Variants in GPC6 observed in about 807,000 individuals in gnomAD.
GPC6 encodes the protein glypican-6.
GPC6 carries 14 observed loss-of-function variants against 55.2 expected under a neutral mutation model. The ratio of observed to expected loss-of-function variants is 0.25; its 90% CI spans 0.17 to 0.40. GPC6 has a LOEUF of 0.40. GPC6 is among the 10% of genes least tolerant of loss of function. The probability of loss-of-function intolerance (pLI) is 1.00; values close to 1 mark genes in which losing one functional copy is unlikely to be tolerated. For missense variants in GPC6, 641 were observed against 708.5 expected, an observed-to-expected ratio of 0.90 and a Z score of 1.08; for synonymous variants, 278 against 259.6, an observed-to-expected ratio of 1.07 and a Z score of -0.68.
chr13:93,217,058 C>A, the GPC6 span, among the ~76,000 whole-genome samples: 1 of 152,004 alleles, frequency 6.6e-6, no homozygotes, highest in East Asian at 1.9e-4. Flanking sequence ...AAAAAAAAAT[C>A]TAGAAATCTT....
chr13:93,667,735 GTTTT>G (rs71126408), intron 2 of GPC6, among the ~76,000 whole-genome samples: 1 of 123,168 alleles, frequency 8.1e-6, no homozygotes, highest in South Asian at 2.3e-4. Flanking sequence ...GCCAGGACTT[GTTTT>G]TTTTTTTTTC....
chr13:94,145,420 T>C (rs1420307288), intron 4 of GPC6, among the ~76,000 whole-genome samples: 1 of 152,186 alleles, frequency 6.6e-6, no homozygotes, highest in Non-Finnish European at 1.5e-5. Flanking sequence ...TATTTTAGAA[T>C]AAGTAGGAAT....
intron 4 of GPC6, among the ~76,000 whole-genome samples, chr13:94,160,266 TGTA>T (rs1176921362): frequency 1.3e-5 from 2 of 152,166 alleles, no homozygotes; most frequent in African/African-American, 4.8e-5. Context: ...AAGAAAAAAA[TGTA>T]GTATACATAG....
At chr13:94,353,192 T>C (rs540968126) in intron 6 of GPC6, among the ~76,000 whole-genome samples, 98 of 152,234 alleles carry the variant, frequency 6.4e-4, no homozygotes, top group African/African-American at 2.1e-3. Flanking sequence ...AGCGCGACTT[T>C]CTTCTGCTGA....
chr13:93,720,442 A>G (rs11838508), intron 2 of GPC6, among the ~76,000 whole-genome samples: 22,165 of 151,814 alleles, frequency 0.15, 2,826 homozygotes, highest in South Asian at 0.32. Context: ...CGTTTTGTCT[A>G]TTTGATTCTT....
chr13:94,140,440 G>A (rs555679454), intron 4 of GPC6, among the ~76,000 whole-genome samples: 143 of 152,264 alleles, frequency 9.4e-4, no homozygotes, highest in African/African-American at 3.2e-3. Flanking sequence ...TAAATTGTTA[G>A]TGAAAGAAAA....
intron 1 of GPC6, among the ~76,000 whole-genome samples, chr13:93,285,626 G>A (rs890631763): frequency 7.3e-6 from 1 of 137,500 alleles, no homozygotes; most frequent in African/African-American, 2.8e-5. Context: ...CTGTGTGTGT[G>A]TGTGTGTGTG....
chr13:94,060,452 T>C (rs1884280963), intron 4 of GPC6, among the ~76,000 whole-genome samples: 1 of 152,152 alleles, frequency 6.6e-6, no homozygotes, highest in African/African-American at 2.4e-5. Flanking sequence ...TTAAAGAGAA[T>C]TCCTAAATTA....
chr13:93,762,882 A>G (rs566075177), intron 2 of GPC6, among the ~76,000 whole-genome samples: 1 of 152,282 alleles, frequency 6.6e-6, no homozygotes, highest in South Asian at 2.1e-4. Flanking sequence ...CACGTAGGTA[A>G]TTATAGTAGA....
At chr13:93,691,326 G>T (rs183044372) in intron 2 of GPC6, among the ~76,000 whole-genome samples, 344 of 152,170 alleles carry the variant, frequency 2.3e-3, no homozygotes, top group Middle Eastern at 6.8e-3. Flanking sequence ...CCTTTGGGCA[G>T]TTGAGAAATT....
chr13:93,386,328 A>G (rs909715950), intron 1 of GPC6, among the ~76,000 whole-genome samples: 3 of 152,132 alleles, frequency 2.0e-5, no homozygotes, highest in Non-Finnish European at 2.9e-5. Context: ...AATAATGTTT[A>G]TTGTTTCCTA....
chr13:93,950,182 A>G (rs1158226119), intron 3 of GPC6, among the ~76,000 whole-genome samples: 1 of 152,182 alleles, frequency 6.6e-6, no homozygotes, highest in African/African-American at 2.4e-5. Context: ...ATATTTTACC[A>G]CGATAAAAAT....
chr13:93,494,388 C>T (rs1254774948), intron 1 of GPC6, among the ~76,000 whole-genome samples: 1 of 149,100 alleles, frequency 6.7e-6, no homozygotes, highest in Non-Finnish European at 1.5e-5. Context: ...AGATCTTCCT[C>T]CATCCTTTTA....
At chr13:94,374,442 C>A (rs1403236554) in intron 6 of GPC6, among the ~76,000 whole-genome samples, 8 of 147,972 alleles carry the variant, frequency 5.4e-5, no homozygotes, top group African/African-American at 2.0e-4. Flanking sequence ...AGACTTTAAA[C>A]CAACAAAGAT....
chr13:94,058,824 A>T (rs1241497993), intron 4 of GPC6, among the ~76,000 whole-genome samples: 1 of 152,168 alleles, frequency 6.6e-6, no homozygotes, highest in East Asian at 1.9e-4. Context: ...ACACATCCAA[A>T]TTCTGATAAG....
intron 2 of GPC6, among the ~76,000 whole-genome samples, chr13:93,696,559 C>CAAAAACA (rs1378044620): frequency 1.4e-5 from 2 of 144,562 alleles, no homozygotes; most frequent in East Asian, 4.1e-4. Flanking sequence ...TTTTAAAAAA[C>CAAAAACA]AAAAACAAAA....
intron 2 of GPC6, among the ~76,000 whole-genome samples, chr13:93,607,313 G>A (rs1345626613): frequency 6.6e-6 from 1 of 152,148 alleles, no homozygotes; most frequent in Non-Finnish European, 1.5e-5. Flanking sequence ...ATTGCAATAA[G>A]GAAAATTATT....
intron 1 of GPC6, among the ~76,000 whole-genome samples, chr13:93,261,951 C>T (rs1417611765): frequency 6.6e-6 from 1 of 151,890 alleles, no homozygotes; most frequent in African/African-American, 2.4e-5. Flanking sequence ...CACACACACA[C>T]ACACACACAC....
intron 2 of GPC6, among the ~76,000 whole-genome samples, chr13:93,668,975 A>G (rs1490806940): frequency 6.6e-6 from 1 of 152,200 alleles, no homozygotes; most frequent in Non-Finnish European, 1.5e-5. Flanking sequence ...ATAATTCTTC[A>G]TTTTGAGATA....
Sources: gnomAD v4.1 joint callset for allele counts (sites outside exome capture counted in the v4.1 genomes callset) on GRCh38, gnomAD v4.1.1 for gene constraint, MANE v1.5 for transcripts, NCBI Gene and HGNC (gene_info 2026-07-23, HGNC 2026-07-21) for gene names.